Variants in KLHL8 observed in about 807,000 individuals in gnomAD.
KLHL8 encodes kelch-like protein 8.
A neutral mutation model predicts 63.5 loss-of-function variants in KLHL8; 38 were observed. That is an observed-to-expected ratio of 0.60 (90% confidence interval 0.46 to 0.78). KLHL8 has a LOEUF of 0.78. Ranked by LOEUF, KLHL8 falls within the 30% of genes least tolerant of loss-of-function variation. The probability of loss-of-function intolerance (pLI) is 0.00; values close to 1 mark genes in which losing one functional copy is unlikely to be tolerated. For synonymous variants in KLHL8, 224 were observed against 254.3 expected, an observed-to-expected ratio of 0.88 and a Z score of 1.13; for missense variants, 566 against 752.4, an observed-to-expected ratio of 0.75 and a Z score of 2.90.
intron 6 of KLHL8, among the ~76,000 whole-genome samples, chr4:87,174,343 A>T (rs1164960667): frequency 6.6e-6 from 1 of 151,780 alleles, no homozygotes; most frequent in East Asian, 1.9e-4. Flanking sequence ...CAATGGCGCA[A>T]TCTCGGCTCA....
At chr4:87,209,748 C>T (rs1475988555) in intron 1 of KLHL8, among the ~76,000 whole-genome samples, 2 of 152,044 alleles carry the variant, frequency 1.3e-5, no homozygotes, top group Non-Finnish European at 2.9e-5. Context: ...ATCCTCATAA[C>T]TCTTTGCAGC....
chr4:87,163,833 T>C (rs115056140), intron 9 of KLHL8, 45 bp downstream of exon 9: 332 of 1,582,338 alleles, frequency 2.1e-4, no homozygotes, highest in Non-Finnish European at 2.7e-4. Context: ...AATCTACTAT[T>C]ATACCAGAAG....
At chr4:87,178,687 A>C in intron 4 of KLHL8, 67 bp from the exon 5 acceptor site, 1 of 1,436,880 alleles carries the variant, frequency 7.0e-7, no homozygotes. Context: ...AGAAAGCCAA[A>C]ACTTTGGATA....
rs530368043 is a variant in KLHL8 at position 87,190,409 on chromosome 4, C to T, written c.217-4610G>A. On this transcript the variant is annotated intron_variant, in intron 2 of 9. Transcript: ENST00000273963. ...CCTGTAATCCCAGCACTTTGGGAGGCCAAGGTAGGCGGATCACCTGAGGTC... is the reference window on the plus strand; with the variant it reads ...CCTGTAATCCCAGCACTTTGGGAGGTCAAGGTAGGCGGATCACCTGAGGTC... Among the ~76,000 whole-genome samples, 11 of 152,230 alleles carry T rather than the reference C, an allele frequency of 7.2e-5. 1 individual carries two copies. In the South Asian group the frequency reaches 2.3e-3, roughly 32 times the overall value.
At chr4:87,192,027 G>T (rs1238360947) in intron 2 of KLHL8, among the ~76,000 whole-genome samples, 1 of 152,136 alleles carries the variant, frequency 6.6e-6, no homozygotes, top group Non-Finnish European at 1.5e-5. Context: ...GGGCACCTGG[G>T]CTGATTCCAT....
chr4:87,178,664 G>A lies in KLHL8; in HGVS notation c.953-44C>T, dbSNP rs80110648. The A allele has an allele frequency of 2.1e-3, 3,031 of 1,461,046 alleles. 58 individuals carry two copies. The African/African-American group carries it at 0.04, about 19-fold the overall frequency. The allele number at this position is 1,461,046 out of a possible 1,614,324, so 90.5% of individuals were successfully genotyped here. ...AATAGAGATAAATCATAGCTGCCAA[G>A]TTGAAAAAAATTAGAAAGCCAAAAC... On this transcript the variant is annotated intron_variant, in intron 4 of 9. Transcript: ENST00000273963.
At chr4:87,234,127 A>G (rs1733185449) in intron 1 of KLHL8, among the ~76,000 whole-genome samples, 1 of 152,168 alleles carries the variant, frequency 6.6e-6, no homozygotes, top group Non-Finnish European at 1.5e-5. Context: ...GACTGCATGT[A>G]TGGGTGGTGT....
intron 1 of KLHL8, among the ~76,000 whole-genome samples, chr4:87,203,802 C>T (rs1374099036): frequency 6.6e-6 from 1 of 151,772 alleles, no homozygotes; most frequent in Non-Finnish European, 1.5e-5. Flanking sequence ...AAAATGGACT[C>T]CATCAAAATT....
chr4:87,177,619 C>T (rs150018253), intron 5 of KLHL8, among the ~76,000 whole-genome samples: 1,724 of 151,992 alleles, frequency 0.011, 38 homozygotes, highest in African/African-American at 0.039. Flanking sequence ...TTTGGCTTTT[C>T]TTTTTGAGAC....
chr4:87,170,699 C>A, intron 6 of KLHL8, 84 bp from the exon 7 acceptor site: 1 of 1,164,192 alleles, frequency 8.6e-7, no homozygotes, highest in Non-Finnish European at 1.2e-6. Context: ...TAATGCAAAT[C>A]ATTTATCATG....
At position 87,190,377 on chromosome 4, in the gene KLHL8, G is replaced by A. The variant is rs191438403; in HGVS notation, c.217-4578C>T. Among the ~76,000 whole-genome samples, 719 of 152,322 alleles carry A rather than the reference G, an allele frequency of 4.7e-3. 9 individuals are homozygous for A. Among genetic ancestry groups the A allele is most frequent in the African/African-American group, 0.016 (657 of 41,572 alleles). On this transcript the variant is annotated intron_variant, in intron 2 of 9. Coordinates refer to ENST00000273963, the MANE Select transcript of KLHL8 (RefSeq NM_020803.5). ...AATAACCTACTGGCCAGGGGCAGTG[G>A]CTCATGCCTGTAATCCCAGCACTTT...
At position 87,170,380 on chromosome 4, in the gene KLHL8, A is replaced by T; in HGVS notation, c.1377+67T>A. The T allele has an allele frequency of 2.0e-6, 3 of 1,496,334 alleles. No individual in the cohort carries two copies. In the South Asian group the frequency reaches 3.9e-5, roughly 19 times the overall value. The allele number at this position is 1,496,334 out of a possible 1,614,324, so 92.7% of individuals were successfully genotyped here. A position where few individuals can be genotyped will look rare whatever the true frequency, so the allele number is the denominator to read the frequency against. ...CTTCATACTGGTGATGATATATTGGACCTTTCCTTATTTTGGTTATGAATG... is the reference window on the plus strand; with the variant it reads ...CTTCATACTGGTGATGATATATTGGTCCTTTCCTTATTTTGGTTATGAATG... On this transcript the variant is annotated intron_variant, in intron 7 of 9. Transcript: ENST00000273963.
chr4:87,201,039 C>T (rs945730540), intron 1 of KLHL8, among the ~76,000 whole-genome samples: 2 of 152,034 alleles, frequency 1.3e-5, no homozygotes, highest in African/African-American at 2.4e-5. Flanking sequence ...AAGCCAGAAA[C>T]AAAAAGACAA....
intron 1 of KLHL8, among the ~76,000 whole-genome samples, chr4:87,200,171 A>T (rs1228142741): frequency 6.6e-6 from 1 of 151,088 alleles, no homozygotes; most frequent in East Asian, 1.9e-4. Flanking sequence ...GAAAAAAAAA[A>T]AGGTAAAGGA....
intron 2 of KLHL8, among the ~76,000 whole-genome samples, chr4:87,195,041 CTAA>C (rs1482464000): frequency 6.6e-6 from 1 of 152,270 alleles, no homozygotes; most frequent in African/African-American, 2.4e-5. Context: ...ATTAATTTCA[CTAA>C]TAATATTTGT....
intron 2 of KLHL8, 60 bp from the exon 3 acceptor site, chr4:87,185,859 T>A (rs1023717505): frequency 7.3e-5 from 102 of 1,393,404 alleles, no homozygotes; most frequent in Non-Finnish European, 7.8e-5. Flanking sequence ...CAGGTCAGCA[T>A]TTAACATGTG....
chr4:87,198,041 C>T (rs1028947063), intron 1 of KLHL8, among the ~76,000 whole-genome samples: 6 of 151,338 alleles, frequency 4.0e-5, no homozygotes, highest in Non-Finnish European at 5.9e-5. Context: ...CTTAGTGGCC[C>T]GGTGCAGTGG....
chr4:87,197,678 C>A (rs144360319), intron 1 of KLHL8, among the ~76,000 whole-genome samples: 61 of 152,260 alleles, frequency 4.0e-4, no homozygotes, highest in African/African-American at 1.2e-3. Flanking sequence ...AATATAGACA[C>A]CTTCTGTCAG....
intron 1 of KLHL8, among the ~76,000 whole-genome samples, chr4:87,237,989 G>T (rs1052927679): frequency 1.3e-5 from 2 of 152,180 alleles, no homozygotes; most frequent in Non-Finnish European, 2.9e-5. Context: ...AGGCTGGAGT[G>T]CAGTGGCACA....
Sources: allele counts gnomAD v4.1 joint callset (sites outside exome capture counted in the v4.1 genomes callset), GRCh38; gene constraint gnomAD v4.1.1; transcripts MANE v1.5; gene names NCBI Gene and HGNC (gene_info 2026-07-23, HGNC 2026-07-21).